Variants in VWF observed in about 807,000 individuals in gnomAD.
VWF encodes von Willebrand factor.
Under a neutral mutation model 308.6 loss-of-function variants are expected in VWF, and 176 were observed. The observed-to-expected ratio is 0.57, with a 90% CI of 0.50 to 0.65. The LOEUF is 0.65. VWF is among the 30% of genes least tolerant of loss of function. The pLI is 0.00. For synonymous variants in VWF, 1,385 were observed against 1,443.4 expected (o/e 0.96, Z 0.92); for missense variants, 3,146 against 3,648.2 (o/e 0.86, Z 3.55).
intron 5 of VWF, among the ~76,000 whole-genome samples, chr12:6,098,676 G>A (rs1384253914): frequency 6.6e-6 from 1 of 152,084 alleles, no homozygotes; most frequent in Admixed American, 6.6e-5. Flanking sequence ...CTACTCGGGA[G>A]GCTGAGGCAG....
In VWF at chr12:5,994,278, C is replaced by T. The variant is rs565310436; in HGVS notation, c.6257-75G>A. On this transcript the variant is annotated intron_variant, in intron 36 of 51. Coordinates refer to ENST00000261405, the MANE Select transcript of VWF (RefSeq NM_000552.5). ...CAAAAACATTGATGCCAGAGACAGGCCATTCTTGATCCTCACCAGAATCTG... is the reference window on the plus strand; with the variant it reads ...CAAAAACATTGATGCCAGAGACAGGTCATTCTTGATCCTCACCAGAATCTG... The T allele has an allele frequency of 1.1e-5, 18 of 1,595,568 alleles. No individual in the cohort carries two copies. The Admixed American group carries it at 1.8e-4, about 16-fold the overall frequency.
intron 18 of VWF, among the ~76,000 whole-genome samples, chr12:6,043,959 GA>G (rs765490895): frequency 4.6e-5 from 7 of 152,174 alleles, no homozygotes; most frequent in Non-Finnish European, 7.3e-5. Flanking sequence ...CGGCCCCTGG[GA>G]AAATTCTAGT....
chr12:6,069,544 C>T (rs765775888), intron 10 of VWF, among the ~76,000 whole-genome samples: 77 of 152,322 alleles, frequency 5.1e-4, no homozygotes, highest in Non-Finnish European at 9.1e-4. Flanking sequence ...ACACTGGGAG[C>T]ATCAGACAGC....
chr12:5,951,801 C>T, intron 50 of VWF, 43 bp downstream of exon 50: 1 of 1,612,368 alleles, frequency 6.2e-7, no homozygotes, highest in Non-Finnish European at 8.5e-7. Flanking sequence ...CCTGGACTTG[C>T]TCTGATGGGT....
At chr12:6,103,951 A>C (rs185458865) in intron 5 of VWF, among the ~76,000 whole-genome samples, 14 of 152,366 alleles carry the variant, frequency 9.2e-5, no homozygotes, top group Admixed American at 2.6e-4. Flanking sequence ...TCTGCACAGC[A>C]AAAGAAATCA....
chr12:5,963,759 T>C (rs116985199), intron 47 of VWF, among the ~76,000 whole-genome samples: 1 of 152,290 alleles, frequency 6.6e-6, no homozygotes, highest in Non-Finnish European at 1.5e-5. Context: ...TCAGCGCAGC[T>C]AGGGACTTGT....
At chr12:5,965,985 A>G (rs1943397500) in intron 47 of VWF, among the ~76,000 whole-genome samples, 1 of 152,184 alleles carries the variant, frequency 6.6e-6, no homozygotes. Flanking sequence ...TTGGAAACCT[A>G]CATCTGAGAC....
At chr12:6,042,459 GC>G (rs1555196893) in intron 18 of VWF, among the ~76,000 whole-genome samples, 1 of 152,210 alleles carries the variant, frequency 6.6e-6, no homozygotes, top group Non-Finnish European at 1.5e-5. Context: ...CGTGCTGCAG[GC>G]GGCACGCTGC....
chr12:6,122,007 A>C (rs902057203), intron 2 of VWF, among the ~76,000 whole-genome samples: 4 of 152,214 alleles, frequency 2.6e-5, no homozygotes, highest in Non-Finnish European at 5.9e-5. Flanking sequence ...TTCAGCGATG[A>C]TTAGAGTTAA....
At position 5,994,209 on chromosome 12, in the gene VWF, G is replaced by GAAAC; in HGVS notation, c.6257-10_6257-7dup. The GAAAC allele has an allele frequency of 2.5e-6, 4 of 1,613,872 alleles. No homozygotes were observed. The highest frequency in any genetic ancestry group is 2.2e-5 in the South Asian group (2 of 91,072). ...TCCGTTCTCATCACAGATCCCTAGA[G>GAAAC]AAACAAACAAACAAAAAAAAGATAA... On this transcript the variant is annotated splice_polypyrimidine_tract_variant and splice_region_variant and intron_variant, in intron 36 of 51. Transcript: ENST00000261405.
intron 18 of VWF, among the ~76,000 whole-genome samples, chr12:6,041,694 G>A (rs543420915): frequency 1.6e-4 from 24 of 152,160 alleles, no homozygotes; most frequent in African/African-American, 5.5e-4. Context: ...TAATCCGCCC[G>A]CCTCAGCCTC....
At position 6,087,656 on chromosome 12, in the gene VWF, G is replaced by A. The variant is rs554577309; in HGVS notation, c.657+7804C>T. ...CCGGGATTACAGGCTGAGCCCCCGC[G>A]CCTGGCCAAGATTTAACTCTTACAG... On this transcript the variant is annotated intron_variant, in intron 6 of 51. Coordinates refer to ENST00000261405, the MANE Select transcript of VWF (RefSeq NM_000552.5). Among the ~76,000 whole-genome samples, 21 of 151,842 alleles carry A rather than the reference G, an allele frequency of 1.4e-4. No individual in the cohort carries two copies. The East Asian group carries it at 2.1e-3, about 15-fold the overall frequency.
chr12:5,979,249 T>A (rs1167470133), intron 42 of VWF, among the ~76,000 whole-genome samples: 1 of 152,252 alleles, frequency 6.6e-6, no homozygotes, highest in Non-Finnish European at 1.5e-5. Flanking sequence ...TGGGAGAAAG[T>A]TCTTTCTTAC....
intron 19 of VWF, among the ~76,000 whole-genome samples, chr12:6,035,530 G>C (rs191726317): frequency 6.6e-6 from 1 of 152,114 alleles, no homozygotes; most frequent in African/African-American, 2.4e-5. Context: ...GCTGTGCACA[G>C]CCACCAAGTC....
chr12:5,984,909 G>C, intron 40 of VWF, 136 bp downstream of exon 40: 1 of 873,024 alleles, frequency 1.1e-6, no homozygotes, highest in South Asian at 1.5e-5. Flanking sequence ...CTTTTTTGGA[G>C]TATCCAGTCG....
chr12:6,081,742 C>A (rs1944913444), intron 6 of VWF, among the ~76,000 whole-genome samples: 1 of 152,152 alleles, frequency 6.6e-6, no homozygotes, highest in South Asian at 2.1e-4. Context: ...TACTAAGATG[C>A]TATTTGCAAT....
chr12:6,054,703 T>A (rs1418203258), intron 15 of VWF, among the ~76,000 whole-genome samples: 1 of 152,220 alleles, frequency 6.6e-6, no homozygotes, highest in Non-Finnish European at 1.5e-5. Flanking sequence ...AAAATGTGTG[T>A]GCTTCTCATC....
chr12:6,053,700 C>G (rs1031825676), intron 15 of VWF, among the ~76,000 whole-genome samples: 2 of 152,194 alleles, frequency 1.3e-5, no homozygotes, highest in Non-Finnish European at 2.9e-5. Flanking sequence ...GGGCAGTATC[C>G]TCACTGGATG....
intron 5 of VWF, among the ~76,000 whole-genome samples, chr12:6,101,383 AC>A (rs767149797): frequency 6.6e-6 from 1 of 152,136 alleles, no homozygotes; most frequent in African/African-American, 2.4e-5. Flanking sequence ...CATGAGCACA[AC>A]ACTTGAGCCA....
Sources: allele counts gnomAD v4.1 joint callset (sites outside exome capture counted in the v4.1 genomes callset), GRCh38; gene constraint gnomAD v4.1.1; transcripts MANE v1.5; gene names NCBI Gene and HGNC (gene_info 2026-07-23, HGNC 2026-07-21).